Variants in SCAI observed in about 807,000 individuals in gnomAD.
SCAI encodes the protein suppressor of cancer cell invasion, also known as protein SCAI.
Under a neutral mutation model 92.2 loss-of-function variants are expected in SCAI, and 24 were observed. The ratio of observed to expected loss-of-function variants is 0.26; its 90% CI spans 0.19 to 0.37. The LOEUF is 0.37. SCAI is among the 10% of genes least tolerant of loss of function. SCAI has a pLI of 1.00. For missense variants in SCAI, 450 were observed against 736.2 expected (o/e 0.61, Z 4.50); for synonymous variants, 261 against 258.6 (o/e 1.01, Z -0.09).
intron 14 of SCAI, among the ~76,000 whole-genome samples, chr9:124,978,728 A>ATTCCTTC (rs1350217540): frequency 2.0e-5 from 3 of 152,230 alleles, no homozygotes; most frequent in Non-Finnish European, 2.9e-5. Context: ...GAAGGAATGG[A>ATTCCTTC]AATAACACAA....
chr9:125,057,997 G>A (rs1237494207), intron 2 of SCAI, among the ~76,000 whole-genome samples: 2 of 152,068 alleles, frequency 1.3e-5, no homozygotes, highest in African/African-American at 4.8e-5. Context: ...TACTCAGGAG[G>A]CTGAGGCAGG....
intron 2 of SCAI, among the ~76,000 whole-genome samples, chr9:125,095,827 A>C (rs72765277): frequency 0.091 from 13,923 of 152,266 alleles, 856 homozygotes; most frequent in Non-Finnish European, 0.13. Flanking sequence ...AAACAAAACA[A>C]AACAAAAGAA....
intron 3 of SCAI, among the ~76,000 whole-genome samples, chr9:125,038,958 T>C (rs1457895114): frequency 1.3e-5 from 2 of 152,242 alleles, no homozygotes; most frequent in East Asian, 1.9e-4. Context: ...GGCATTTTAT[T>C]ACAGAAGACA....
At chr9:124,959,463 C>CATATAT (rs749324371) in intron 17 of SCAI, among the ~76,000 whole-genome samples, 36 of 116,124 alleles carry the variant, frequency 3.1e-4, no homozygotes, top group Non-Finnish European at 4.6e-4. Flanking sequence ...CTAGCAATTT[C>CATATAT]ATATATATAT....
chr9:125,139,233 T>C (rs906296011), intron 2 of SCAI, among the ~76,000 whole-genome samples: 3 of 151,972 alleles, frequency 2.0e-5, no homozygotes, highest in African/African-American at 7.3e-5. Context: ...AGCAACATGG[T>C]AAAACCCCAC....
chr9:124,961,960 C>G (rs1288344474), intron 17 of SCAI, among the ~76,000 whole-genome samples: 1 of 151,446 alleles, frequency 6.6e-6, no homozygotes, highest in East Asian at 1.9e-4. Flanking sequence ...TCAGTGGCAC[C>G]TGGGAACTTG....
Position 124,945,092 on chromosome 9 carries a change from C to T in SCAI, c.*7715G>A, listed in dbSNP as rs1029436885. 6.6e-6 allele frequency: 1 copy of T among 151,988 alleles called. No homozygotes were observed. Among genetic ancestry groups the T allele is most frequent in the African/African-American group, 2.4e-5 (1 of 41,348 alleles). 9.4% of individuals were successfully genotyped at this position (151,988 alleles called of 1,614,324 possible). On this transcript the variant is annotated 3_prime_UTR_variant, in exon 18 of 18. Coordinates refer to ENST00000336505, the MANE Select transcript of SCAI (RefSeq NM_001144877.3). ...GTAGTAGACAGACTGGAATTGTCCACCAAAATAGGAAATTGATACCCAATT... is the reference window on the plus strand; with the variant it reads ...GTAGTAGACAGACTGGAATTGTCCATCAAAATAGGAAATTGATACCCAATT...
chr9:125,079,384 C>T (rs149709089), intron 2 of SCAI, among the ~76,000 whole-genome samples: 13 of 152,178 alleles, frequency 8.5e-5, no homozygotes, highest in African/African-American at 3.1e-4. Flanking sequence ...TTATATGGCA[C>T]ATAATAGGAT....
At chr9:124,995,099 TC>T (rs1212621782) in intron 13 of SCAI, 84 bp from the exon 14 acceptor site, 9 of 963,110 alleles carry the variant, frequency 9.3e-6, no homozygotes, top group Non-Finnish European at 1.5e-5. Flanking sequence ...TGCTCATATC[TC>T]CTTTGCATCA....
intron 2 of SCAI, among the ~76,000 whole-genome samples, chr9:125,112,878 TATC>T (rs1428779508): frequency 6.6e-6 from 1 of 152,204 alleles, no homozygotes; most frequent in Non-Finnish European, 1.5e-5. Context: ...CAAAGGGACT[TATC>T]AGCCAACTGA....
chr9:125,098,599 C>G (rs1023245902), intron 2 of SCAI, among the ~76,000 whole-genome samples: 8 of 152,202 alleles, frequency 5.3e-5, no homozygotes, highest in African/African-American at 1.7e-4. Context: ...AGGCCAATAA[C>G]CTGTAACATT....
chr9:125,007,900 C>A (rs1832545853), intron 9 of SCAI, among the ~76,000 whole-genome samples: 1 of 151,676 alleles, frequency 6.6e-6, no homozygotes, highest in Non-Finnish European at 1.5e-5. Flanking sequence ...GGCTGGAGTG[C>A]AGTGGTCTGA....
At chr9:125,050,503 A>C (rs1833538893) in intron 3 of SCAI, among the ~76,000 whole-genome samples, 2 of 152,206 alleles carry the variant, frequency 1.3e-5, no homozygotes, top group African/African-American at 4.8e-5. Context: ...AACTTTAAGG[A>C]AGGCCTACAA....
chr9:125,092,619 A>G (rs1834456918), intron 2 of SCAI, among the ~76,000 whole-genome samples: 1 of 152,158 alleles, frequency 6.6e-6, no homozygotes, highest in Admixed American at 6.5e-5. Flanking sequence ...CCCTCCATTC[A>G]TGCCTTAACC....
chr9:125,108,254 C>T (rs1485635829), intron 2 of SCAI, among the ~76,000 whole-genome samples: 1 of 152,260 alleles, frequency 6.6e-6, no homozygotes, highest in Non-Finnish European at 1.5e-5. Context: ...CAGCCGCCAC[C>T]CCGTCTGGGA....
chr9:125,057,882 C>G (rs980602132), intron 2 of SCAI, among the ~76,000 whole-genome samples: 1 of 151,684 alleles, frequency 6.6e-6, no homozygotes, highest in Non-Finnish European at 1.5e-5. Context: ...TCACTTGAGG[C>G]TAGGAGTTTG....
At chr9:124,956,299 A>G (rs1187549465) in intron 17 of SCAI, among the ~76,000 whole-genome samples, 1 of 152,144 alleles carries the variant, frequency 6.6e-6, no homozygotes, top group Admixed American at 6.5e-5. Context: ...GCTCACCACA[A>G]CTTCCGCCTG....
intron 2 of SCAI, among the ~76,000 whole-genome samples, chr9:125,099,721 C>T (rs114376338): frequency 3.9e-5 from 6 of 152,178 alleles, no homozygotes; most frequent in African/African-American, 7.2e-5. Flanking sequence ...CTGTCAGTAA[C>T]AGGTGTTAAA....
intron 2 of SCAI, among the ~76,000 whole-genome samples, chr9:125,062,759 C>A (rs1009729159): frequency 2.7e-5 from 4 of 149,290 alleles, no homozygotes; most frequent in African/African-American, 7.4e-5. Context: ...AGGTGGCTCA[C>A]GCCTGTAATC....
Sources: allele counts gnomAD v4.1 joint callset (sites outside exome capture counted in the v4.1 genomes callset), GRCh38; gene constraint gnomAD v4.1.1; transcripts MANE v1.5; gene names NCBI Gene and HGNC (gene_info 2026-07-23, HGNC 2026-07-21).